The following PICALM variants were observed in gnomAD, a reference collection of about 807,000 sequenced individuals.
PICALM encodes phosphatidylinositol binding clathrin assembly protein, also known as phosphatidylinositol-binding clathrin assembly protein.
A neutral mutation model predicts 80.5 loss-of-function variants in PICALM; 40 were observed. That is an observed-to-expected ratio of 0.50 (90% confidence interval 0.39 to 0.65). PICALM has a LOEUF of 0.65. Among genes scored for constraint, PICALM ranks in the 30% least tolerant of loss-of-function variants. The probability of loss-of-function intolerance (pLI) is 0.00; values close to 1 mark genes in which losing one functional copy is unlikely to be tolerated. For missense variants in PICALM, 676 were observed against 778.9 expected, an observed-to-expected ratio of 0.87 and a Z score of 1.57; for synonymous variants, 288 against 260.3, an observed-to-expected ratio of 1.11 and a Z score of -1.02.
At chr11:86,061,992 G>A (rs1054088808) in intron 1 of PICALM, among the ~76,000 whole-genome samples, 7 of 152,060 alleles carry the variant, frequency 4.6e-5, no homozygotes, top group Admixed American at 2.0e-4. Flanking sequence ...ATATTAGTAC[G>A]TGAAAAAAGA....
At chr11:86,061,293 T>C (rs190476281) in intron 1 of PICALM, among the ~76,000 whole-genome samples, 303 of 133,806 alleles carry the variant, frequency 2.3e-3, no homozygotes, top group Non-Finnish European at 3.0e-3. Flanking sequence ...ATGGCCCCAT[T>C]GCACTCCAGC....
At chr11:86,017,466 A>G (rs944852727) in intron 4 of PICALM, among the ~76,000 whole-genome samples, 4 of 152,222 alleles carry the variant, frequency 2.6e-5, no homozygotes, top group South Asian at 2.1e-4. Flanking sequence ...CTCATAACCT[A>G]TAACAATTTA....
intron 5 of PICALM, among the ~76,000 whole-genome samples, chr11:86,013,324 A>C (rs1359639429): frequency 1.3e-5 from 2 of 152,136 alleles, no homozygotes; most frequent in African/African-American, 4.8e-5. Flanking sequence ...CAAAAAAACA[A>C]AAAAAAGATG....
chr11:86,056,817 A>G (rs1181557480), intron 1 of PICALM, among the ~76,000 whole-genome samples: 1 of 152,248 alleles, frequency 6.6e-6, no homozygotes, highest in East Asian at 1.9e-4. Context: ...GGGTAACTAT[A>G]CAAGGGAGTA....
chr11:86,031,671 C>T (rs1031032843), intron 1 of PICALM, 60 bp from the exon 2 acceptor site: 4 of 1,247,792 alleles, frequency 3.2e-6, no homozygotes, highest in Non-Finnish European at 2.3e-6. Context: ...ATTGTTAATA[C>T]CAGATCTGCA....
intron 14 of PICALM, among the ~76,000 whole-genome samples, chr11:85,982,422 A>AATTTTTTTTTTTT (rs1446437172): frequency 3.4e-5 from 1 of 29,756 alleles, no homozygotes; most frequent in Non-Finnish European, 6.4e-5. Context: ...GATTTTATAG[A>AATTTTTTTTTTTT]CTTTTTTTTT....
At chr11:85,993,719 G>A (rs973303795) in intron 12 of PICALM, among the ~76,000 whole-genome samples, 12 of 151,830 alleles carry the variant, frequency 7.9e-5, no homozygotes, top group African/African-American at 1.9e-4. Context: ...GATTACAGGC[G>A]TGAGCCACCA....
intron 13 of PICALM, among the ~76,000 whole-genome samples, chr11:85,985,321 TTTA>T (rs1402590420): frequency 6.6e-6 from 1 of 152,164 alleles, no homozygotes; most frequent in Admixed American, 6.5e-5. Flanking sequence ...GAAACAACAA[TTTA>T]TTATTAGCAA....
chr11:86,013,536 G>C (rs529880171), intron 5 of PICALM, among the ~76,000 whole-genome samples: 43 of 152,002 alleles, frequency 2.8e-4, no homozygotes, highest in African/African-American at 3.9e-4. Context: ...AGAGAGGAGA[G>C]AGAATTGAGT....
At chr11:86,006,325 CAAT>C (rs531853852) in intron 8 of PICALM, among the ~76,000 whole-genome samples, 6 of 152,044 alleles carry the variant, frequency 3.9e-5, no homozygotes, top group Non-Finnish European at 7.4e-5. Flanking sequence ...CAGAGAAACT[CAAT>C]AATAACTGTT....
In PICALM at chr11:86,013,228, T is replaced by C. The variant is rs544332504; in HGVS notation, c.547-836A>G. On this transcript the variant is annotated intron_variant, in intron 5 of 19. Coordinates refer to ENST00000393346, the MANE Select transcript of PICALM (RefSeq NM_007166.4). Reference sequence around the variant, plus strand: ...TACTCAGGAGGCTGAGGTGGGAGGATTGCTTGAGCCCAGGAGTTGGAGGCT... The same window carrying C: ...TACTCAGGAGGCTGAGGTGGGAGGACTGCTTGAGCCCAGGAGTTGGAGGCT... Among the ~76,000 whole-genome samples, 40 of 152,072 alleles carry C rather than the reference T, an allele frequency of 2.6e-4. No individual in the cohort carries two copies. The South Asian group carries it at 4.8e-3, about 18-fold the overall frequency.
chr11:85,991,937 C>T (rs1288666804), intron 12 of PICALM, among the ~76,000 whole-genome samples: 1 of 152,056 alleles, frequency 6.6e-6, no homozygotes. Flanking sequence ...CTCACTGTAG[C>T]CTCAAACTCC....
intron 1 of PICALM, among the ~76,000 whole-genome samples, chr11:86,061,510 A>G (rs987400022): frequency 6.6e-6 from 1 of 152,156 alleles, no homozygotes; most frequent in African/African-American, 2.4e-5. Flanking sequence ...GAGTATGCAT[A>G]TGAAAAAAAG....
At chr11:86,047,916 A>G (rs947416716) in intron 1 of PICALM, among the ~76,000 whole-genome samples, 2 of 152,094 alleles carry the variant, frequency 1.3e-5, no homozygotes, top group Non-Finnish European at 2.9e-5. Flanking sequence ...CCTGGCCAAC[A>G]TGGTGAAACC....
chr11:86,016,547 CT>C (rs759883522), intron 4 of PICALM, among the ~76,000 whole-genome samples: 1 of 152,172 alleles, frequency 6.6e-6, no homozygotes, highest in East Asian at 1.9e-4. Context: ...CTTTAACTTT[CT>C]TGCACCTCTT....
intron 19 of PICALM, among the ~76,000 whole-genome samples, chr11:85,963,779 C>T (rs1199609088): frequency 1.3e-5 from 2 of 152,072 alleles, no homozygotes; most frequent in Non-Finnish European, 2.9e-5. Context: ...TATCTATCAA[C>T]AGTGTCTTGT....
chr11:85,988,241 C>A (rs961856794), intron 13 of PICALM, among the ~76,000 whole-genome samples: 7 of 152,052 alleles, frequency 4.6e-5, no homozygotes, highest in Non-Finnish European at 7.4e-5. Context: ...AATATTAAAA[C>A]GTTTTCATGC....
intron 1 of PICALM, among the ~76,000 whole-genome samples, chr11:86,058,982 TAAC>T (rs1237096144): frequency 6.6e-6 from 1 of 152,218 alleles, no homozygotes; most frequent in Non-Finnish European, 1.5e-5. Context: ...AATTTTGAAG[TAAC>T]AATGTTTTGG....
intron 1 of PICALM, among the ~76,000 whole-genome samples, chr11:86,056,972 T>C (rs1285086827): frequency 6.6e-6 from 1 of 152,100 alleles, no homozygotes; most frequent in Non-Finnish European, 1.5e-5. Context: ...GAAAAATTCA[T>C]AGATAGAAAG....
Sources: gnomAD v4.1 joint callset for allele counts (sites outside exome capture counted in the v4.1 genomes callset) on GRCh38, gnomAD v4.1.1 for gene constraint, MANE v1.5 for transcripts, NCBI Gene and HGNC (gene_info 2026-07-23, HGNC 2026-07-21) for gene names.